The following FAT1 variants were observed in gnomAD, a reference collection of about 807,000 sequenced individuals.
FAT1 encodes the protein FAT atypical cadherin 1.
Under a neutral mutation model 329.8 loss-of-function variants are expected in FAT1, and 171 were observed. The ratio of observed to expected loss-of-function variants is 0.52; its 90% CI spans 0.46 to 0.59. The LOEUF (loss-of-function observed/expected upper bound fraction) is 0.59. Among genes scored for constraint, FAT1 ranks in the 20% least tolerant of loss-of-function variants. The pLI, the probability that FAT1 is intolerant of heterozygous loss-of-function variation, is 0.00. For synonymous variants in FAT1, 2,233 were observed against 2,228.6 expected (o/e 1.00, Z -0.06); for missense variants, 5,672 against 5,774.4 (o/e 0.98, Z 0.57).
chr4:186,701,729 C>T (rs912533405), intron 2 of FAT1, among the ~76,000 whole-genome samples: 4 of 152,196 alleles, frequency 2.6e-5, no homozygotes, highest in African/African-American at 9.7e-5. Context: ...GAGCAGGGAT[C>T]CCAGGATGTA....
intron 26 of FAT1, among the ~76,000 whole-genome samples, chr4:186,594,905 C>T (rs1346413753): frequency 6.6e-6 from 1 of 151,270 alleles, no homozygotes; most frequent in African/African-American, 2.4e-5. Flanking sequence ...TAATAATAAA[C>T]GTATTACGTT....
At chr4:186,613,034 CTG>C in intron 13 of FAT1, 73 bp downstream of exon 13, 1 of 952,484 alleles carries the variant, frequency 1.0e-6, no homozygotes. Flanking sequence ...CAGGCTGAAT[CTG>C]GGGTGTGTTT....
intron 2 of FAT1, among the ~76,000 whole-genome samples, chr4:186,694,559 AAG>A (rs1319182336): frequency 6.6e-6 from 1 of 152,222 alleles, no homozygotes; most frequent in Non-Finnish European, 1.5e-5. Flanking sequence ...TTTTTCTTAA[AAG>A]AGTCTGGTAA....
rs180899930 is a variant in FAT1 at position 186,597,926 on chromosome 4, A to G, written c.12257+46T>C. ...TACATGTACCATTATATGTTTAAGAATTTTATACTACAATTGATTATGAAA... is the reference window on the plus strand; with the variant it reads ...TACATGTACCATTATATGTTTAAGAGTTTTATACTACAATTGATTATGAAA... On this transcript the variant is annotated intron_variant, in intron 23 of 26. Transcript: ENST00000441802. 3 of 1,584,424 alleles carry G rather than the reference A, an allele frequency of 1.9e-6. No homozygotes were observed. In the East Asian group the frequency reaches 6.7e-5, roughly 36 times the overall value.
intron 3 of FAT1, among the ~76,000 whole-genome samples, chr4:186,658,714 C>T (rs1412264401): frequency 6.6e-6 from 1 of 152,130 alleles, no homozygotes; most frequent in African/African-American, 2.4e-5. Context: ...AAAACATCTC[C>T]TACCTCCTCT....
intron 6 of FAT1, among the ~76,000 whole-genome samples, 187 bp downstream of exon 6, chr4:186,635,838 A>AG (rs1339784803): frequency 2.0e-5 from 3 of 152,218 alleles, no homozygotes; most frequent in African/African-American, 4.8e-5. Context: ...ATTTTAAGCA[A>AG]GTTTAACATA....
At chr4:186,660,322 G>T (rs6553017) in intron 3 of FAT1, among the ~76,000 whole-genome samples, 99,774 of 151,986 alleles carry the variant, frequency 0.66, 33,917 homozygotes, top group African/African-American at 0.86. Flanking sequence ...TTCTGCTGAG[G>T]TGGGGGAAGA....
chr4:186,603,302 C>A lies in FAT1; in HGVS notation c.11224G>T (p.Asp3742Tyr), dbSNP rs199719692. 69 of 1,613,946 alleles carry A rather than the reference C, an allele frequency of 4.3e-5. No individual in the cohort carries two copies. The African/African-American group carries it at 7.9e-4, about 18-fold the overall frequency. The change falls in exon 19 of 27, where the codon GAC becomes TAC. Residue 3742 changes from aspartate (D) to tyrosine (Y), a missense_variant. Physicochemically the swap from Asp to Tyr is radical, Grantham distance 160. Around this residue, in one of 2 missense-constraint regions of FAT1, gnomAD observed 1,706 missense variants for 1,859.1 expected, o/e 0.92. Transcript: ENST00000441802. ...TCATCGCAGAACTTCCAGGGGCAGT[C>A]CAGTCCCGCGCAGAGTTTCTGGAAT... ...NVFQKLCAGL[D>Y]CPWKFCDEKV...
intron 9 of FAT1, 114 bp downstream of exon 9, chr4:186,628,040 G>A (rs1740400708): frequency 8.8e-7 from 1 of 1,130,176 alleles, no homozygotes; most frequent in Non-Finnish European, 1.3e-6. Flanking sequence ...ATCAATTTAA[G>A]CCATTTTTGC....
chr4:186,658,198 C>G (rs2126607374), intron 3 of FAT1, among the ~76,000 whole-genome samples: 1 of 152,338 alleles, frequency 6.6e-6, no homozygotes, highest in Admixed American at 6.5e-5. Flanking sequence ...TGGATGCGGT[C>G]TTTCACTTGT....
intron 13 of FAT1, among the ~76,000 whole-genome samples, chr4:186,612,762 T>C (rs566817834): frequency 6.6e-6 from 1 of 152,354 alleles, no homozygotes; most frequent in Non-Finnish European, 1.5e-5. Flanking sequence ...ATAAAGCATT[T>C]GCTTCCATTA....
At chr4:186,714,960 C>T (rs1241116314) in intron 1 of FAT1, among the ~76,000 whole-genome samples, 2 of 152,012 alleles carry the variant, frequency 1.3e-5, no homozygotes, top group East Asian at 1.9e-4. Context: ...CGCCTGTAGT[C>T]CCAGCTACTT....
At chr4:186,653,849 G>A (rs1008166820) in intron 3 of FAT1, among the ~76,000 whole-genome samples, 5 of 152,124 alleles carry the variant, frequency 3.3e-5, no homozygotes, top group African/African-American at 4.8e-5. Context: ...CAAAAGCCCC[G>A]TGTGGCCCTT....
chr4:186,677,754 A>G (rs1743023232), intron 2 of FAT1, among the ~76,000 whole-genome samples: 1 of 152,212 alleles, frequency 6.6e-6, no homozygotes, highest in African/African-American at 2.4e-5. Context: ...CAGGAAACAA[A>G]TCTCATAAAG....
intron 9 of FAT1, among the ~76,000 whole-genome samples, chr4:186,627,083 AGAAT>A (rs377093870): frequency 1.8e-4 from 20 of 112,540 alleles, no homozygotes; most frequent in African/African-American, 2.9e-4. Flanking sequence ...ACCAGCCCAC[AGAAT>A]GAATGAATGA....
At chr4:186,725,110 C>G (rs1470528366), upstream of FAT1, among the ~76,000 whole-genome samples, 1 of 152,134 alleles carries the variant, frequency 6.6e-6, no homozygotes, top group African/African-American at 2.4e-5. This position sits in a 1 kb window ranked among gnomAD's most constrained non-coding sequence, Gnocchi z 5.4. Flanking sequence ...CACATAGATT[C>G]ACACATCCAG....
In FAT1 at chr4:186,599,935, G is replaced by A. The variant is rs771925804; in HGVS notation, c.12066C>T (p.Cys4022=). 38 of 1,613,552 alleles carry A rather than the reference G, an allele frequency of 2.4e-5. No homozygotes were observed. In the East Asian group the frequency reaches 8.0e-4, roughly 34 times the overall value. ...ACGGATTGCAAACGCCTCCATTCTG[G>A]CAAGGGTTGCTGGCGCAGTCTTCCG... ...TATEDCASNP[C]QNGGVCNPSP... The change falls in exon 22 of 27, where the codon TGC becomes TGT. Residue 4022 remains cysteine, a synonymous_variant. Coordinates refer to ENST00000441802, the MANE Select transcript of FAT1 (RefSeq NM_005245.4).
chr4:186,604,425 T>C lies in FAT1; in HGVS notation c.10500A>G (p.Ser3500=), dbSNP rs1408708525. Residue 3500 remains serine (S), a synonymous_variant, in exon 18 of 27, where the codon TCA becomes TCG. Coordinates refer to ENST00000441802, the MANE Select transcript of FAT1 (RefSeq NM_005245.4). ...EVNPQGVLLT[S]SAIKRKEKDH... ...CTTTCTCCTTCCTCTTGATGGCAGA[T>C]GATGTCAGGAGGACTCCTTGCGGGT... is the stretch of plus-strand genomic sequence containing the variant. 6.2e-7 allele frequency: 1 copy of C among 1,613,904 alleles called. No individual in the cohort carries two copies. Among genetic ancestry groups the C allele is most frequent in the Non-Finnish European group, 8.5e-7 (1 of 1,179,854 alleles).
At chr4:186,594,694 A>G (rs1738417116) in intron 26 of FAT1, among the ~76,000 whole-genome samples, 1 of 144,504 alleles carries the variant, frequency 6.9e-6, no homozygotes, top group South Asian at 2.2e-4. Flanking sequence ...ATATATATAT[A>G]TATATACTTG....
Sources: allele counts gnomAD v4.1 joint callset (sites outside exome capture counted in the v4.1 genomes callset), GRCh38; gene constraint gnomAD v4.1.1; regional missense constraint gnomAD v4.1.1; non-coding constraint Gnocchi (gnomAD v3.1); transcripts MANE v1.5; gene names NCBI Gene and HGNC (gene_info 2026-07-23, HGNC 2026-07-21).